The following SERPINA12 variants were observed in gnomAD, a reference collection of about 807,000 sequenced individuals.
The protein encoded by SERPINA12 is serpin family A member 12.
Under a neutral mutation model 25.9 loss-of-function variants are expected in SERPINA12, and 21 were observed. That is an observed-to-expected ratio of 0.81 (90% confidence interval 0.58 to 1.17). SERPINA12 has a LOEUF of 1.17. Ranked by LOEUF, SERPINA12 falls within the 50% of genes most tolerant of loss-of-function variation. SERPINA12 has a pLI of 0.00. For missense variants in SERPINA12, 562 were observed against 508.3 expected (o/e 1.11, Z -1.02); for synonymous variants, 220 against 196.0 (o/e 1.12, Z -1.02).
chr14:94,488,708 C>T (rs1427422749), intron 4 of SERPINA12, among the ~76,000 whole-genome samples: 1 of 152,188 alleles, frequency 6.6e-6, no homozygotes, highest in Non-Finnish European at 1.5e-5. Context: ...CTCTTCTTGC[C>T]CCAGACAGTC....
intron 1 of SERPINA12, chr14:94,501,167 A>G (rs1595695417): frequency 1.0e-6 from 1 of 985,394 alleles, no homozygotes; most frequent in Non-Finnish European, 1.2e-6. Flanking sequence ...TTCAGGGTTT[A>G]GGGGGCTGCA....
In SERPINA12 at chr14:94,506,846, A is replaced by G. The variant is rs531908749; in HGVS notation, c.-34+2496T>C. Among the ~76,000 whole-genome samples the G allele has an allele frequency of 1.3e-4, 20 of 152,330 alleles. No individual in the cohort carries two copies. In the South Asian group the frequency reaches 3.5e-3, roughly 27 times the overall value. ...ACTCAAGGTTGAGAATCCCACTCCA[A>G]AGCAAGTGATTCCCACCTGATGATT... On this transcript the variant is annotated intron_variant, in intron 1 of 4. Transcript: ENST00000677451.
chr14:94,509,279 AACACAC>A (rs3065835), intron 1 of SERPINA12, among the ~76,000 whole-genome samples, 57 bp downstream of exon 1: 3,733 of 134,702 alleles, frequency 0.028, 148 homozygotes, highest in African/African-American at 0.089. Flanking sequence ...AGAAACAGAC[AACACAC>A]ACACACACAC....
intron 4 of SERPINA12, 41 bp downstream of exon 4, chr14:94,489,579 C>A: frequency 6.2e-7 from 1 of 1,604,110 alleles, no homozygotes; most frequent in Non-Finnish European, 8.5e-7. Flanking sequence ...GGGGAAGGCC[C>A]CTGTGCTGCA....
chr14:94,489,505 C>A, intron 4 of SERPINA12, 115 bp downstream of exon 4: 3 of 1,249,856 alleles, frequency 2.4e-6, no homozygotes, highest in Non-Finnish European at 3.3e-6. Flanking sequence ...TTCATGCCCG[C>A]CCCGACTGGT....
At chr14:94,496,068 T>A (rs11625995) in intron 3 of SERPINA12, among the ~76,000 whole-genome samples, 60,088 of 151,976 alleles carry the variant, frequency 0.4, 14,406 homozygotes, top group Non-Finnish European at 0.53. Flanking sequence ...CACCCTTTCA[T>A]ACAGACTGCC....
intron 3 of SERPINA12, among the ~76,000 whole-genome samples, chr14:94,493,940 G>A (rs139650083): frequency 1.4e-3 from 208 of 152,306 alleles, no homozygotes; most frequent in African/African-American, 4.8e-3. Flanking sequence ...GGCTGCAGAG[G>A]GCCTCAGTGA....
chr14:94,498,537 G>A, intron 1 of SERPINA12, 107 bp from the exon 2 acceptor site: 1 of 912,528 alleles, frequency 1.1e-6, no homozygotes. Flanking sequence ...GTTGTACATA[G>A]CAGTTTATGA....
chr14:94,511,510 G>A (rs964260936), upstream of SERPINA12: 8 of 985,292 alleles, frequency 8.1e-6, no homozygotes, highest in African/African-American at 3.5e-5. Flanking sequence ...ATAAGGCTGC[G>A]GCTGTTAAAT....
intron 2 of SERPINA12, among the ~76,000 whole-genome samples, chr14:94,497,112 T>A (rs747737893): frequency 6.6e-6 from 1 of 152,346 alleles, no homozygotes; most frequent in Admixed American, 6.5e-5. Context: ...TGGCCTCTGA[T>A]TCTCACCTAT....
At chr14:94,510,340 A>G, upstream of SERPINA12, 1 of 860,800 alleles carries the variant, frequency 1.2e-6, no homozygotes, top group Non-Finnish European at 1.4e-6. Flanking sequence ...ATATAAAAAA[A>G]GAGCATTTGC....
At chr14:94,515,463 C>T (rs1330640208) in intron 2 of SERPINA12, among the ~76,000 whole-genome samples, 3 of 152,156 alleles carry the variant, frequency 2.0e-5, no homozygotes, top group Non-Finnish European at 4.4e-5. Context: ...CAGGGAGCCA[C>T]CCACTCAGCA....
At chr14:94,502,944 G>A (rs559751433) in intron 1 of SERPINA12, among the ~76,000 whole-genome samples, 5 of 152,228 alleles carry the variant, frequency 3.3e-5, no homozygotes, top group Admixed American at 6.5e-5. Flanking sequence ...TTTTCTGAGC[G>A]CCTCTTGGAA....
intron 2 of SERPINA12, among the ~76,000 whole-genome samples, chr14:94,497,037 A>AT (rs545829014): frequency 3.9e-5 from 6 of 152,246 alleles, no homozygotes; most frequent in African/African-American, 9.6e-5. Context: ...AGAACCCTCA[A>AT]TTTTTTATAT....
intron 1 of SERPINA12, chr14:94,503,409 A>G: frequency 1.5e-6 from 1 of 684,522 alleles, no homozygotes; most frequent in Non-Finnish European, 1.8e-6. Flanking sequence ...GCACTGGGGC[A>G]CTAGAGCAAT....
chr14:94,497,956 G>A lies in SERPINA12; in HGVS notation c.442C>T (p.Arg148Cys), dbSNP rs774278015. Residue 148 changes from arginine to cysteine, a missense_variant, in exon 2 of 5, where the codon CGT becomes TGT. Transcript: ENST00000677451. The stretch of plus-strand genomic sequence containing the variant: ...TTCTTGGCATCTTCCAAAAACTTAC[G>A]CTGTGGCTGCAGCCTCTGGTCAATG... ...LFIDQRLQPQRKFLEDAKNFY... is the reference protein window; with the variant it reads ...LFIDQRLQPQCKFLEDAKNFY... 64 of 1,614,032 alleles carry A rather than the reference G, an allele frequency of 4.0e-5. No individual in the cohort carries two copies. The highest frequency in any genetic ancestry group is 4.7e-5 in the Non-Finnish European group (56 of 1,180,032).
intron 1 of SERPINA12, among the ~76,000 whole-genome samples, chr14:94,501,479 A>G (rs1380035254): frequency 6.6e-6 from 1 of 152,182 alleles, no homozygotes; most frequent in Non-Finnish European, 1.5e-5. Context: ...ACAAGAACGG[A>G]TTATGGAATT....
intron 1 of SERPINA12, among the ~76,000 whole-genome samples, chr14:94,516,610 C>G (rs1448912859): frequency 6.6e-6 from 1 of 152,232 alleles, no homozygotes; most frequent in Non-Finnish European, 1.5e-5. Flanking sequence ...ATACCTTTCT[C>G]TCGTAGCCAA....
At chr14:94,511,745 C>G (rs1566816462), upstream of SERPINA12, 1 of 983,958 alleles carries the variant, frequency 1.0e-6, no homozygotes, top group Admixed American at 6.1e-5. Flanking sequence ...CTATAATGTA[C>G]CAGGCAGCAA....
Sources: gnomAD v4.1 joint callset for allele counts (sites outside exome capture counted in the v4.1 genomes callset) on GRCh38, gnomAD v4.1.1 for gene constraint, MANE v1.5 for transcripts, NCBI Gene and HGNC (gene_info 2026-07-23, HGNC 2026-07-21) for gene names.